AHCY: variants seen among roughly 807,000 people sequenced by gnomAD.
The protein encoded by AHCY is adenosylhomocysteinase.
Under a neutral mutation model 45.4 loss-of-function variants are expected in AHCY, and 24 were observed. The observed-to-expected ratio is 0.53, with a 90% CI of 0.38 to 0.74. The LOEUF (loss-of-function observed/expected upper bound fraction) is 0.74, where lower values mean the gene tolerates loss of function less well. Among genes scored for constraint, AHCY ranks in the 30% least tolerant of loss-of-function variants. AHCY has a pLI of 0.00. For synonymous variants in AHCY, 245 were observed against 235.1 expected (o/e 1.04, Z -0.39); for missense variants, 449 against 594.1 (o/e 0.76, Z 2.54).
At chr20:34,239,699 A>C in the AHCY span, among the ~76,000 whole-genome samples, 2 of 152,338 alleles carry the variant, frequency 1.3e-5, no homozygotes, top group East Asian at 3.9e-4. Flanking sequence ...CTAAACTGGA[A>C]TCCAGATCTC....
At chr20:34,265,330 C>T in the AHCY span, among the ~76,000 whole-genome samples, 8 of 151,808 alleles carry the variant, frequency 5.3e-5, no homozygotes, top group African/African-American at 1.9e-4. Flanking sequence ...CAAGACCAGC[C>T]TGAGCAACAT....
chr20:34,308,380 A>G lies in AHCY; in HGVS notation c.-57+3092T>C, dbSNP rs563407226. On this transcript the variant is annotated intron_variant, in intron 1 of 9. Coordinates refer to the AHCY transcript ENST00000538132. ...AGCCTGGCCAACATGGCAAAACCGC[A>G]TCTCTACTAAAAATACAAAATTAGC... 4.6e-5 allele frequency among the ~76,000 whole-genome samples: 7 copies of G among 152,210 alleles called. No homozygotes were observed. The East Asian group carries it at 1.4e-3, about 30-fold the overall frequency.
intron 8 of AHCY, among the ~76,000 whole-genome samples, chr20:34,288,848 T>TA (rs1333172694): frequency 6.6e-6 from 1 of 152,118 alleles, no homozygotes; most frequent in Admixed American, 6.6e-5. Flanking sequence ...AATAAACTCA[T>TA]AATAATTGCA....
the AHCY span, chr20:34,241,392 T>C: frequency 1.1e-6 from 1 of 947,538 alleles, no homozygotes; most frequent in Non-Finnish European, 1.3e-6. Flanking sequence ...TGTTTTCTTG[T>C]TCTTGTCTTT....
chr20:34,272,322 A>T, the AHCY span, among the ~76,000 whole-genome samples: 12 of 152,306 alleles, frequency 7.9e-5, no homozygotes, highest in African/African-American at 2.6e-4. Context: ...GACTTGTGTG[A>T]CCCCAAAATG....
At chr20:34,275,682 CTT>C (rs57480737), downstream of AHCY, among the ~76,000 whole-genome samples, 12 of 140,046 alleles carry the variant, frequency 8.6e-5, no homozygotes, top group Non-Finnish European at 6.3e-5. Context: ...TTATATCTTT[CTT>C]TTTTTTTTTT....
intron 3 of AHCY, 103 bp downstream of exon 3, chr20:34,293,978 C>G (rs1485332751): frequency 8.3e-7 from 1 of 1,202,432 alleles, no homozygotes; most frequent in African/African-American, 1.5e-5. Context: ...TGACTCCTCT[C>G]CCTTTCTGAT....
At chr20:34,304,498 T>G (rs982890451), upstream of AHCY, among the ~76,000 whole-genome samples, 5 of 152,102 alleles carry the variant, frequency 3.3e-5, no homozygotes, top group East Asian at 9.6e-4. Flanking sequence ...TATAGTTATG[T>G]TTTTTTAATT....
chr20:34,285,876 G>A (rs574852412), intron 8 of AHCY, among the ~76,000 whole-genome samples: 14 of 152,152 alleles, frequency 9.2e-5, no homozygotes, highest in Non-Finnish European at 1.6e-4. Context: ...CGAGGCAGGC[G>A]GATCATGAGG....
At chr20:34,275,073 G>A in the AHCY span, among the ~76,000 whole-genome samples, 7 of 151,328 alleles carry the variant, frequency 4.6e-5, no homozygotes, top group Admixed American at 1.3e-4. Context: ...TCTTGGGGGC[G>A]AATCCAGTCC....
the AHCY span, among the ~76,000 whole-genome samples, chr20:34,238,095 A>C: frequency 3.3e-5 from 5 of 152,154 alleles, no homozygotes; most frequent in Non-Finnish European, 5.9e-5. Flanking sequence ...TTGGCTTTCA[A>C]AAGTTTGATT....
Position 34,280,890 on chromosome 20 carries a change from G to T in AHCY, c.*144C>A. 7.7e-7 allele frequency: 1 copy of T among 1,300,224 alleles called. No homozygotes were observed. Among genetic ancestry groups the T allele is most frequent in the Non-Finnish European group, 1.1e-6 (1 of 933,846 alleles). The allele number at this position is 1,300,224 out of a possible 1,614,324, so 80.5% of individuals were successfully genotyped here. ...GGAACAGTATGACGGCTGCAGCAGA[G>T]GCCAAAAACTAAGTGATCAGCCCCA... is the stretch of plus-strand genomic sequence containing the variant. On this transcript the variant is annotated 3_prime_UTR_variant, in exon 10 of 10. Transcript: ENST00000217426.
downstream of AHCY, among the ~76,000 whole-genome samples, chr20:34,278,926 T>C (rs112284274): frequency 4.6e-5 from 7 of 150,854 alleles, no homozygotes; most frequent in African/African-American, 1.5e-4. Flanking sequence ...CTGGCCAACA[T>C]GGTGAAACCC....
chr20:34,253,975 T>C, the AHCY span, among the ~76,000 whole-genome samples: 1 of 152,244 alleles, frequency 6.6e-6, no homozygotes, highest in Non-Finnish European at 1.5e-5. Context: ...ACAGTCTTCA[T>C]CATTGCAGAG....
At chr20:34,262,959 C>G in the AHCY span, 1 of 1,568,184 alleles carries the variant, frequency 6.4e-7, no homozygotes, top group Non-Finnish European at 8.8e-7. Context: ...GAAGGAGGAC[C>G]CCCAACCTCT....
At chr20:34,255,834 A>G in the AHCY span, among the ~76,000 whole-genome samples, 2 of 152,156 alleles carry the variant, frequency 1.3e-5, no homozygotes, top group Non-Finnish European at 2.9e-5. Context: ...ACCTTGGTCT[A>G]GTGGTAGCAT....
chr20:34,269,099 T>G, the AHCY span: 1 of 1,568,172 alleles, frequency 6.4e-7, no homozygotes, highest in Non-Finnish European at 8.6e-7. Context: ...CTGCGACCCG[T>G]GCGCCTCCTG....
the AHCY span, among the ~76,000 whole-genome samples, chr20:34,258,753 A>C: frequency 1.2e-5 from 1 of 84,048 alleles, no homozygotes; most frequent in East Asian, 2.9e-4. Context: ...TACTATATAT[A>C]ATATATGATA....
chr20:34,246,739 T>C, the AHCY span, among the ~76,000 whole-genome samples: 1 of 152,210 alleles, frequency 6.6e-6, no homozygotes, highest in African/African-American at 2.4e-5. Flanking sequence ...ATTACAGGCG[T>C]GAGCCCCTGT....
Sources: allele counts gnomAD v4.1 joint callset (sites outside exome capture counted in the v4.1 genomes callset), GRCh38; gene constraint gnomAD v4.1.1; transcripts MANE v1.5; gene names NCBI Gene and HGNC (gene_info 2026-07-23, HGNC 2026-07-21).